Variants in PPP2R3B observed in about 807,000 individuals in gnomAD.
PPP2R3B encodes the protein serine/threonine-protein phosphatase 2A regulatory subunit B'' subunit beta.
In PPP2R3B, 68 loss-of-function variants were observed where a neutral mutation model predicts 72.9. The ratio of observed to expected loss-of-function variants is 0.93; its 90% CI spans 0.77 to 1.14. PPP2R3B has a LOEUF of 1.14. Ranked by LOEUF, PPP2R3B falls within the 50% of genes most tolerant of loss-of-function variation. The pLI is 0.00. For missense variants in PPP2R3B, 1,018 were observed against 842.0 expected (o/e 1.21, Z -2.59); for synonymous variants, 466 against 375.8 (o/e 1.24, Z -2.78).
At chrX:361,616 G>A in intron 1 of PPP2R3B, 26 bp from the exon 2 acceptor site, 2 of 1,611,122 alleles carry the variant, frequency 1.2e-6, no homozygotes, top group Admixed American at 1.7e-5. Flanking sequence ...ACAGCGCTCA[G>A]TTAGAACCTG....
intron 1 of PPP2R3B, among the ~76,000 whole-genome samples, chrX:374,476 A>C (rs756584819): frequency 3.3e-5 from 5 of 152,316 alleles, no homozygotes; most frequent in African/African-American, 1.2e-4. Context: ...GCTCACTGTG[A>C]TAACTGCGCT....
intron 1 of PPP2R3B, among the ~76,000 whole-genome samples, chrX:369,592 G>A (rs1348794663): frequency 1.3e-5 from 2 of 152,368 alleles, no homozygotes; most frequent in Admixed American, 6.5e-5. Flanking sequence ...GGGTGCAGGT[G>A]AGTGTACCCC....
At chrX:380,121 A>G (rs1315743412) in intron 1 of PPP2R3B, among the ~76,000 whole-genome samples, 1 of 152,114 alleles carries the variant, frequency 6.6e-6, no homozygotes, top group Non-Finnish European at 1.5e-5. Context: ...CTAAAACCAC[A>G]CTGCTTTCTC....
At position 347,312 on chromosome X, in the gene PPP2R3B, G is replaced by T. The variant is rs377300621; in HGVS notation, c.639C>A (p.Asp213Glu). 1 of 1,613,784 alleles carries T rather than the reference G, an allele frequency of 6.2e-7. No homozygotes were observed. Among genetic ancestry groups the T allele is most frequent in the Non-Finnish European group, 8.5e-7 (1 of 1,179,770 alleles). The change falls in exon 4 of 13, where the codon GAC becomes GAA. Residue 213 changes from aspartate (D) to glutamate (E), a missense_variant. Asp to Glu is a conservative substitution (Grantham distance 45, BLOSUM62 2). Coordinates refer to ENST00000390665, the MANE Select transcript of PPP2R3B (RefSeq NM_013239.5). ...WRKILQNCHD[D>E]AAKFVHLLMS... ...TGAGCAGATGGACGAACTTGGCCGC[G>T]TCGTCGTGGCAGTTCTGGAGGATTC...
chrX:338,525 TCCTCCC>T, intron 12 of PPP2R3B, 73 bp downstream of exon 12: 1 of 396,972 alleles, frequency 2.5e-6, no homozygotes. Flanking sequence ...CACACACCCG[TCCTCCC>T]ACTCACCCGT....
At chrX:371,984 A>T (rs772055234) in intron 1 of PPP2R3B, among the ~76,000 whole-genome samples, 1 of 152,312 alleles carries the variant, frequency 6.6e-6, no homozygotes, top group African/African-American at 2.4e-5. Flanking sequence ...CTGACTTTTT[A>T]AAAATAAACA....
At position 346,279 on chromosome X, in the gene PPP2R3B, T is replaced by C. The variant is rs1448389936; in HGVS notation, c.793-19A>G. 1.3e-6 allele frequency: 2 copies of C among 1,551,974 alleles called. No individual in the cohort carries two copies. Among genetic ancestry groups the C allele is most frequent in the Admixed American group, 1.9e-5 (1 of 52,050 alleles). ...GGATGACCTGCGGGGGCGCTGTCAG[T>C]GCGGTGGGTGCGCAGAGACCCCCAG... On this transcript the variant is annotated intron_variant, in intron 5 of 12. Transcript: ENST00000390665.
chrX:342,082 G>A (rs776129741), intron 7 of PPP2R3B, 151 bp from the exon 8 acceptor site: 7 of 847,206 alleles, frequency 8.3e-6, no homozygotes, highest in East Asian at 2.4e-5. Context: ...GCCCCTGCAC[G>A]GCCCATCCTA....
intron 1 of PPP2R3B, among the ~76,000 whole-genome samples, chrX:385,879 G>C (rs2072236508): frequency 6.6e-6 from 1 of 152,088 alleles, no homozygotes; most frequent in African/African-American, 2.4e-5. Flanking sequence ...TCAGGAGTTC[G>C]AGACCAGCCT....
chrX:352,462 G>A (rs760964601), intron 2 of PPP2R3B, among the ~76,000 whole-genome samples: 7 of 137,860 alleles, frequency 5.1e-5, no homozygotes, highest in African/African-American at 1.9e-4. Context: ...GGCCATCTGC[G>A]GACTTTTAGA....
At position 381,462 on chromosome X, in the gene PPP2R3B, T is replaced by C. The variant is rs138410114; in HGVS notation, c.324+4906A>G. 4.1e-3 allele frequency among the ~76,000 whole-genome samples: 625 copies of C among 152,226 alleles called. 5 individuals are homozygous for C. Among genetic ancestry groups the C allele is most frequent in the African/African-American group, 0.014 (593 of 41,534 alleles). On this transcript the variant is annotated intron_variant, in intron 1 of 12. Coordinates refer to ENST00000390665, the MANE Select transcript of PPP2R3B (RefSeq NM_013239.5). ...GTGTGGGTGAGAAAAAGCTGCTTTATTTATGAAAATCTCTTCCTCTGACCC... is the reference window on the plus strand; with the variant it reads ...GTGTGGGTGAGAAAAAGCTGCTTTACTTATGAAAATCTCTTCCTCTGACCC...
At chrX:353,701 TAGG>T in intron 2 of PPP2R3B, among the ~76,000 whole-genome samples, 1 of 152,186 alleles carries the variant, frequency 6.6e-6, no homozygotes, top group Middle Eastern at 3.4e-3. Context: ...ACCCAACACA[TAGG>T]AGAAGTGTGA....
At chrX:358,826 G>GA (rs1440786631) in intron 2 of PPP2R3B, among the ~76,000 whole-genome samples, 7 of 151,436 alleles carry the variant, frequency 4.6e-5, no homozygotes, top group African/African-American at 1.5e-4. Flanking sequence ...GCACCACGGT[G>GA]GGGGGAGGCG....
chrX:353,132 G>A (rs2071364543), intron 2 of PPP2R3B, among the ~76,000 whole-genome samples: 1 of 152,086 alleles, frequency 6.6e-6, no homozygotes, highest in African/African-American at 2.4e-5. Flanking sequence ...CCAGCACTTT[G>A]AGACGCCAAG....
chrX:375,441 C>A (rs1331599976), intron 1 of PPP2R3B, among the ~76,000 whole-genome samples: 1 of 149,030 alleles, frequency 6.7e-6, no homozygotes, highest in African/African-American at 2.5e-5. Context: ...AGAGGTGCCG[C>A]CCAGTCACCC....
At chrX:374,356 C>T (rs2071943908) in intron 1 of PPP2R3B, among the ~76,000 whole-genome samples, 1 of 152,252 alleles carries the variant, frequency 6.6e-6, no homozygotes, top group Admixed American at 6.5e-5. Context: ...GACATCCCGG[C>T]AGCCCGGCAT....
intron 1 of PPP2R3B, among the ~76,000 whole-genome samples, chrX:367,742 G>C (rs934486223): frequency 9.9e-5 from 15 of 152,186 alleles, no homozygotes; most frequent in African/African-American, 3.6e-4. Context: ...CTAGTTACAA[G>C]ACAAAGGTCT....
chrX:365,128 G>A (rs1405605752), intron 1 of PPP2R3B, among the ~76,000 whole-genome samples: 25 of 86,190 alleles, frequency 2.9e-4, no homozygotes, highest in Admixed American at 4.1e-4. Flanking sequence ...CAGGAGAATC[G>A]CTTCAACACA....
chrX:337,774 G>A (rs1385344402), intron 12 of PPP2R3B: 1 of 152,360 alleles, frequency 6.6e-6, no homozygotes, highest in Non-Finnish European at 1.5e-5. Context: ...CCGGAACGGA[G>A]CCCGCACACG....
Sources: gnomAD v4.1 joint callset for allele counts (sites outside exome capture counted in the v4.1 genomes callset) on GRCh38, gnomAD v4.1.1 for gene constraint, MANE v1.5 for transcripts, NCBI Gene and HGNC (gene_info 2026-07-23, HGNC 2026-07-21) for gene names.